CAPZA2: variants seen among roughly 807,000 people sequenced by gnomAD.
CAPZA2 encodes capping actin protein of muscle Z-line subunit alpha 2, also known as F-actin-capping protein subunit alpha-2.
Under a neutral mutation model 44.0 loss-of-function variants are expected in CAPZA2, and 13 were observed. The ratio of observed to expected loss-of-function variants is 0.30; its 90% CI spans 0.19 to 0.47. The LOEUF is 0.47. Among genes scored for constraint, CAPZA2 ranks in the 20% least tolerant of loss-of-function variants. The pLI is 1.00. For synonymous variants in CAPZA2, 94 were observed against 108.2 expected (o/e 0.87, Z 0.81); for missense variants, 244 against 338.6 (o/e 0.72, Z 2.19).
intron 3 of CAPZA2, among the ~76,000 whole-genome samples, chr7:116,896,570 A>G (rs1157060430): frequency 6.6e-6 from 1 of 152,144 alleles, no homozygotes; most frequent in African/African-American, 2.4e-5. Flanking sequence ...TTTTAATAGT[A>G]AGAAAAATGA....
At chr7:116,879,928 G>T (rs971218751) in intron 1 of CAPZA2, 3 of 343,212 alleles carry the variant, frequency 8.7e-6, no homozygotes, top group Admixed American at 8.4e-5. Context: ...AACAGATTCT[G>T]CCTTGAAGGG....
intron 5 of CAPZA2, among the ~76,000 whole-genome samples, chr7:116,905,554 T>TA (rs1791488079): frequency 6.6e-6 from 1 of 152,198 alleles, no homozygotes; most frequent in Non-Finnish European, 1.5e-5. Context: ...ATTCATATGG[T>TA]CTGCTTAAGT....
At position 116,918,756 on chromosome 7, in the gene CAPZA2, C is replaced by A. The variant is rs1230460697; in HGVS notation, c.*889C>A. The A allele has an allele frequency of 6.6e-6, 1 of 151,844 alleles. No homozygotes were observed. The highest frequency in any genetic ancestry group is 1.5e-5 in the Non-Finnish European group (1 of 67,978). The allele number at this position is 151,844 out of a possible 1,614,324, so 9.4% of individuals were successfully genotyped here. The stretch of plus-strand genomic sequence containing the variant: ...ATTTATTTGAGTAGAAAATCACTTA[C>A]CAGTGAGCATATATATTTTAAAATA... On this transcript the variant is annotated 3_prime_UTR_variant, in exon 10 of 10. Transcript: ENST00000361183.
intron 5 of CAPZA2, among the ~76,000 whole-genome samples, chr7:116,905,418 T>C (rs1791481786): frequency 1.3e-5 from 2 of 152,112 alleles, no homozygotes; most frequent in Non-Finnish European, 2.9e-5. Flanking sequence ...CCACGTGGCC[T>C]CTGCTTACCC....
At chr7:116,899,552 G>A (rs1217789480) in intron 4 of CAPZA2, among the ~76,000 whole-genome samples, 1 of 151,540 alleles carries the variant, frequency 6.6e-6, no homozygotes, top group Non-Finnish European at 1.5e-5. Flanking sequence ...ACTTGTAACT[G>A]AAGGGAAATT....
At chr7:116,888,268 G>A in intron 2 of CAPZA2, 78 bp downstream of exon 2, 3 of 988,280 alleles carry the variant, frequency 3.0e-6, no homozygotes, top group East Asian at 4.9e-5. Context: ...ATCAAAATAA[G>A]CTAAGGACAG....
intron 1 of CAPZA2, among the ~76,000 whole-genome samples, chr7:116,866,886 A>G (rs1796490167): frequency 1.3e-5 from 2 of 152,210 alleles, no homozygotes; most frequent in African/African-American, 4.8e-5. Flanking sequence ...GAGCTTGCCT[A>G]GAAGTAAATT....
chr7:116,902,243 A>G (rs1349022199), intron 4 of CAPZA2, among the ~76,000 whole-genome samples: 2 of 152,198 alleles, frequency 1.3e-5, no homozygotes, highest in East Asian at 3.8e-4. Context: ...ATCTGAGTCT[A>G]CATGTGCAAT....
intron 1 of CAPZA2, among the ~76,000 whole-genome samples, chr7:116,880,693 T>C (rs1442728304): frequency 8.9e-6 from 1 of 112,564 alleles, no homozygotes; most frequent in Non-Finnish European, 1.8e-5. Context: ...CACTGTAACC[T>C]GCCTTTTTTT....
At chr7:116,900,526 G>A (rs1187975068) in intron 4 of CAPZA2, among the ~76,000 whole-genome samples, 1 of 151,936 alleles carries the variant, frequency 6.6e-6, no homozygotes, top group Non-Finnish European at 1.5e-5. Flanking sequence ...AACTAGAAAT[G>A]GTGGGGGTCA....
At chr7:116,869,924 C>T (rs941226613) in intron 1 of CAPZA2, among the ~76,000 whole-genome samples, 3 of 152,104 alleles carry the variant, frequency 2.0e-5, no homozygotes, top group African/African-American at 7.2e-5. Context: ...GGCTTGAGTG[C>T]AGTGGCACAA....
In CAPZA2 at chr7:116,904,236, A is replaced by T; in HGVS notation, c.279A>T (p.Arg93Ser). The change falls in exon 5 of 10, where the codon AGA (arginine) becomes AGT (serine). Residue 93 changes from arginine to serine, a missense_variant. Transcript: ENST00000361183. ...GNGKFLDPKNRICFKFDHLRK... is the reference protein window; with the variant it reads ...GNGKFLDPKNSICFKFDHLRK... ...GAAAGTTTTTGGATCCAAAGAACAGAATCTGTTTTAAATTTGATCACTTAA... is the reference window on the plus strand; with the variant it reads ...GAAAGTTTTTGGATCCAAAGAACAGTATCTGTTTTAAATTTGATCACTTAA... 6.2e-7 allele frequency: 1 copy of T among 1,613,918 alleles called. No homozygotes were observed. Among genetic ancestry groups the T allele is most frequent in the Non-Finnish European group, 8.5e-7 (1 of 1,179,850 alleles).
chr7:116,917,885 C>G lies in CAPZA2; in HGVS notation c.*18C>G, dbSNP rs3173936. On this transcript the variant is annotated 3_prime_UTR_variant, in exon 10 of 10. Coordinates refer to ENST00000361183, the MANE Select transcript of CAPZA2 (RefSeq NM_006136.3). ...ATGCATAAGATGAACATTGCATGAC[C>G]GGATCATTTTAGTGTCTTTGCGTTA... is the stretch of plus-strand genomic sequence containing the variant. 6.3e-7 allele frequency: 1 copy of G among 1,599,248 alleles called. No individual in the cohort carries two copies. Among genetic ancestry groups the G allele is most frequent in the Non-Finnish European group, 8.6e-7 (1 of 1,167,256 alleles).
chr7:116,917,629 G>A (rs1021472347), intron 9 of CAPZA2, 98 bp from the exon 10 acceptor site: 4 of 857,066 alleles, frequency 4.7e-6, no homozygotes, highest in East Asian at 4.9e-5. Context: ...CAGTGAAACA[G>A]GCTGCTTAAA....
At chr7:116,883,989 G>A (rs532793207) in intron 1 of CAPZA2, among the ~76,000 whole-genome samples, 1 of 152,226 alleles carries the variant, frequency 6.6e-6, no homozygotes, top group African/African-American at 2.4e-5. Flanking sequence ...ATTTTTGCCT[G>A]TGATAGTGAT....
intron 3 of CAPZA2, among the ~76,000 whole-genome samples, chr7:116,894,978 GT>G (rs1358490845): frequency 6.6e-6 from 1 of 151,866 alleles, no homozygotes; most frequent in African/African-American, 2.4e-5. Context: ...TATCCTTTTG[GT>G]TTTAGTTAAC....
intron 1 of CAPZA2, among the ~76,000 whole-genome samples, chr7:116,880,409 G>GT (rs1796676751): frequency 6.6e-6 from 1 of 151,886 alleles, no homozygotes; most frequent in Admixed American, 6.6e-5. Flanking sequence ...TTTTGTTTTT[G>GT]TTTTTTGAGA....
chr7:116,890,009 A>G (rs763062235), intron 2 of CAPZA2, among the ~76,000 whole-genome samples: 36 of 152,216 alleles, frequency 2.4e-4, no homozygotes, highest in Non-Finnish European at 4.1e-4. Flanking sequence ...CTTAGGGTCA[A>G]AAAGTGGCAT....
chr7:116,865,445 C>T (rs1012579855), intron 1 of CAPZA2, among the ~76,000 whole-genome samples: 2 of 152,258 alleles, frequency 1.3e-5, no homozygotes, highest in Admixed American at 6.5e-5. Context: ...CTCGGCCTCC[C>T]AAAGTGCTGG....
Sources: allele counts gnomAD v4.1 joint callset (sites outside exome capture counted in the v4.1 genomes callset), GRCh38; gene constraint gnomAD v4.1.1; transcripts MANE v1.5; gene names NCBI Gene and HGNC (gene_info 2026-07-23, HGNC 2026-07-21).